The following LATS1 variants were observed in gnomAD, a reference collection of about 807,000 sequenced individuals.
LATS1 encodes the protein serine/threonine-protein kinase LATS1.
In LATS1, 25 loss-of-function variants were observed where a neutral mutation model predicts 106.6. The observed-to-expected ratio is 0.23, with a 90% confidence interval of 0.17 to 0.33. LATS1 has a LOEUF of 0.33. Ranked by LOEUF, LATS1 falls within the 10% of genes least tolerant of loss-of-function variation. The probability of loss-of-function intolerance (pLI) is 1.00; values close to 1 mark genes in which losing one functional copy is unlikely to be tolerated. For synonymous variants in LATS1, 465 were observed against 455.6 expected (o/e 1.02, Z -0.26); for missense variants, 1,040 against 1,382.6 (o/e 0.75, Z 3.93).
intron 2 of LATS1, chr6:149,696,998 C>T (rs908175005): frequency 5.7e-6 from 3 of 521,930 alleles, no homozygotes; most frequent in Non-Finnish European, 1.0e-5. Flanking sequence ...CTCTTCCACT[C>T]CTTGTACTTT....
chr6:149,674,486 C>T (rs1328479624), intron 7 of LATS1, among the ~76,000 whole-genome samples: 2 of 152,118 alleles, frequency 1.3e-5, no homozygotes, highest in African/African-American at 2.4e-5. Context: ...ACCCTCCAAC[C>T]TTAGCCTCCC....
At chr6:149,689,221 A>G (rs976128530) in intron 3 of LATS1, among the ~76,000 whole-genome samples, 3 of 152,092 alleles carry the variant, frequency 2.0e-5, no homozygotes, top group Non-Finnish European at 4.4e-5. Flanking sequence ...GTATTTTCCA[A>G]GAACAAAATA....
chr6:149,668,120 T>C (rs760573616), intron 7 of LATS1, among the ~76,000 whole-genome samples: 3 of 152,216 alleles, frequency 2.0e-5, no homozygotes, highest in Non-Finnish European at 4.4e-5. Flanking sequence ...GGTTTCAACA[T>C]GTTGGCCAGG....
At chr6:149,664,564 C>T (rs922830327) in intron 7 of LATS1, among the ~76,000 whole-genome samples, 16 of 152,076 alleles carry the variant, frequency 1.1e-4, no homozygotes, top group Non-Finnish European at 1.5e-4. Flanking sequence ...AGATGTACTA[C>T]ATATACTCTC....
At position 149,707,175 on chromosome 6, in the gene LATS1, C is replaced by CA. The variant is rs1455867294; in HGVS notation, c.-140-4910dup. 3.3e-5 allele frequency among the ~76,000 whole-genome samples: 5 copies of CA among 152,010 alleles called. No individual in the cohort carries two copies. The East Asian group carries it at 9.7e-4, about 29-fold the overall frequency. ...AGATCACAGGTGTGTACCACCACGC[C>CA]AGGCTAATTTTTGTATTTTTAGTAG... On this transcript the variant is annotated intron_variant, in intron 1 of 7. Transcript: ENST00000543571.
intron 1 of LATS1, among the ~76,000 whole-genome samples, chr6:149,706,870 A>G: frequency 6.6e-6 from 1 of 152,114 alleles, no homozygotes; most frequent in East Asian, 1.9e-4. Flanking sequence ...GGATAAATTT[A>G]TGTTGTTTTA....
chr6:149,663,075 C>T (rs1169197655), intron 7 of LATS1, among the ~76,000 whole-genome samples: 2 of 152,066 alleles, frequency 1.3e-5, no homozygotes, highest in South Asian at 2.1e-4. Context: ...TAGTCTCTCC[C>T]GCTGAACTCT....
chr6:149,708,634 T>C (rs915437895), intron 1 of LATS1, among the ~76,000 whole-genome samples: 3 of 152,110 alleles, frequency 2.0e-5, no homozygotes, highest in South Asian at 2.1e-4. Flanking sequence ...CTGAGGCAGT[T>C]AAAAGTCACT....
intron 2 of LATS1, among the ~76,000 whole-genome samples, chr6:149,696,559 T>TAAAAAA (rs372769091): frequency 8.7e-5 from 4 of 45,822 alleles, no homozygotes; most frequent in East Asian, 1.7e-3. Flanking sequence ...AACTCCGTCT[T>TAAAAAA]AAAAAAAAAA....
At chr6:149,710,998 T>C (rs1039048205) in intron 1 of LATS1, among the ~76,000 whole-genome samples, 5 of 152,202 alleles carry the variant, frequency 3.3e-5, no homozygotes, top group Admixed American at 2.0e-4. Flanking sequence ...TGAGCACAGA[T>C]GCCCACTGAA....
intron 4 of LATS1, among the ~76,000 whole-genome samples, chr6:149,682,522 C>T (rs1464398977): frequency 1.3e-5 from 2 of 151,862 alleles, no homozygotes; most frequent in East Asian, 1.9e-4. Context: ...CGCCATTCTC[C>T]TGCCTCAGCC....
chr6:149,711,795 C>A (rs1410312662), intron 1 of LATS1, among the ~76,000 whole-genome samples: 1 of 152,128 alleles, frequency 6.6e-6, no homozygotes, highest in Non-Finnish European at 1.5e-5. Flanking sequence ...ACCTCCAGGC[C>A]CGGTTGCTTA....
intron 3 of LATS1, among the ~76,000 whole-genome samples, chr6:149,687,960 C>T (rs369029241): frequency 5.3e-5 from 8 of 151,254 alleles, no homozygotes; most frequent in African/African-American, 1.5e-4. Context: ...CTGCAAGCTC[C>T]GCCTCCCGGG....
In LATS1 at chr6:149,689,202, G is replaced by A. The variant is rs529515620; in HGVS notation, c.497-4610C>T. Among the ~76,000 whole-genome samples the A allele has an allele frequency of 3.3e-5, 5 of 152,046 alleles. No individual in the cohort carries two copies. In the East Asian group the frequency reaches 9.7e-4, roughly 29 times the overall value. On this transcript the variant is annotated intron_variant, in intron 3 of 7. Transcript: ENST00000543571. ...AAAGACTGCATAAAGGTCCTGAGGT[G>A]GGAGCTTGGTATTTTCCAAGAACAA...
In LATS1 at chr6:149,691,643, G is replaced by A. The variant is rs1437809351; in HGVS notation, c.496+3431C>T. 2.0e-5 allele frequency among the ~76,000 whole-genome samples: 3 copies of A among 152,052 alleles called. No individual in the cohort carries two copies. The East Asian group carries it at 5.8e-4, about 29-fold the overall frequency. Reference sequence around the variant, plus strand: ...CTATTTCTTCTCTGTCCCCTTTGCAGGTTTACCCCTTCCTACTAGCTATTA... The same window carrying A: ...CTATTTCTTCTCTGTCCCCTTTGCAAGTTTACCCCTTCCTACTAGCTATTA... On this transcript the variant is annotated intron_variant, in intron 3 of 7. Transcript: ENST00000543571.
At chr6:149,676,092 T>C in intron 7 of LATS1, 168 bp downstream of exon 7, 1 of 576,188 alleles carries the variant, frequency 1.7e-6, no homozygotes, top group East Asian at 3.0e-5. Context: ...GCTCAAGCAA[T>C]CCTCCTGCCT....
chr6:149,677,669 G>C (rs193135798), intron 5 of LATS1, among the ~76,000 whole-genome samples: 1 of 152,172 alleles, frequency 6.6e-6, no homozygotes, highest in Admixed American at 6.5e-5. Flanking sequence ...TCTGGAGAGA[G>C]AGATTTGGAA....
At position 149,680,287 on chromosome 6, in the gene LATS1, A is replaced by T; in HGVS notation, c.2181T>A (p.Thr727=). ...GAGTTTTTGTTGCATACAAAGCCTT[A>T]GTATCTACTTTTCTTGCTAGACAGA... The part of the protein sequence containing the change: ...GEVCLARKVD[T]KALYATKTLR... The change falls in exon 5 of 8, where the codon ACT becomes ACA. Residue 727 remains threonine, a synonymous_variant. Transcript: ENST00000543571. 1 of 1,613,830 alleles carries T rather than the reference A, an allele frequency of 6.2e-7. No homozygotes were observed. The highest frequency in any genetic ancestry group is 8.5e-7 in the Non-Finnish European group (1 of 1,180,016).
chr6:149,703,383 G>C (rs1211440839), intron 1 of LATS1, among the ~76,000 whole-genome samples: 1 of 152,194 alleles, frequency 6.6e-6, no homozygotes, highest in African/African-American at 2.4e-5. Flanking sequence ...ATATGGTTTG[G>C]ATCTGTGTCC....
Sources: allele counts gnomAD v4.1 joint callset (sites outside exome capture counted in the v4.1 genomes callset), GRCh38; gene constraint gnomAD v4.1.1; transcripts MANE v1.5; gene names NCBI Gene and HGNC (gene_info 2026-07-23, HGNC 2026-07-21).